CACNA2D1: variants seen among roughly 807,000 people sequenced by gnomAD.
The protein encoded by CACNA2D1 is voltage-dependent calcium channel subunit alpha-2/delta-1.
In CACNA2D1, 53 loss-of-function variants were observed where a neutral mutation model predicts 171.5. The ratio of observed to expected loss-of-function variants is 0.31; its 90% CI spans 0.25 to 0.39. CACNA2D1 has a LOEUF of 0.39. Among genes scored for constraint, CACNA2D1 ranks in the 10% least tolerant of loss-of-function variants. The probability of loss-of-function intolerance (pLI) is 1.00; values close to 1 mark genes in which losing one functional copy is unlikely to be tolerated. For missense variants in CACNA2D1, 903 were observed against 1,299.8 expected (o/e 0.69, Z 4.69); for synonymous variants, 442 against 443.1 (o/e 1.00, Z 0.03).
intron 2 of CACNA2D1, among the ~76,000 whole-genome samples, chr7:82,344,525 A>C (rs1391817617): frequency 2.6e-5 from 4 of 152,192 alleles, no homozygotes; most frequent in Non-Finnish European, 4.4e-5. Flanking sequence ...CTAAAATTAG[A>C]AATCCCCTGA....
intron 6 of CACNA2D1, among the ~76,000 whole-genome samples, chr7:82,096,639 G>C (rs78569779): frequency 7.9e-6 from 1 of 126,034 alleles, no homozygotes; most frequent in African/African-American, 2.9e-5. Flanking sequence ...ATGATGGTAT[G>C]ATCTAGTATG....
chr7:82,035,619 C>A (rs971296620), intron 11 of CACNA2D1, among the ~76,000 whole-genome samples: 1 of 151,978 alleles, frequency 6.6e-6, no homozygotes, highest in Non-Finnish European at 1.5e-5. Context: ...TTAATGTGGC[C>A]TCTCTAGTGA....
rs544485444 is a variant in CACNA2D1, at chr7:82,098,053, G to A, written c.527-13153C>T. Among the ~76,000 whole-genome samples the A allele has an allele frequency of 4.6e-5, 7 of 152,166 alleles. No homozygotes were observed. In the South Asian group the frequency reaches 1.5e-3, roughly 32 times the overall value. ...GACTTGAACCCACGAGGCAGTGGTT[G>A]CAGTGAGCCGAGGTTGCAATGAGCC... On this transcript the variant is annotated intron_variant, in intron 6 of 38. Transcript: ENST00000356860.
At chr7:82,114,530 G>A (rs1196546993) in intron 6 of CACNA2D1, among the ~76,000 whole-genome samples, 1 of 152,086 alleles carries the variant, frequency 6.6e-6, no homozygotes. Flanking sequence ...GGATCACGAG[G>A]TCAGGAGTTT....
chr7:82,136,736 G>A, intron 4 of CACNA2D1, 60 bp from the exon 5 acceptor site: 1 of 1,118,430 alleles, frequency 8.9e-7, no homozygotes, highest in Non-Finnish European at 1.3e-6. Flanking sequence ...ATCAAATACT[G>A]AATACATTTT....
At chr7:81,992,462 G>C (rs994247413) in intron 20 of CACNA2D1, among the ~76,000 whole-genome samples, 3 of 151,964 alleles carry the variant, frequency 2.0e-5, no homozygotes, top group African/African-American at 7.3e-5. Flanking sequence ...GCAGATGGAG[G>C]GGGGAACAGG....
intron 1 of CACNA2D1, among the ~76,000 whole-genome samples, chr7:82,442,410 C>A (rs1830573264): frequency 6.6e-6 from 1 of 152,228 alleles, no homozygotes; most frequent in Admixed American, 6.5e-5. Flanking sequence ...GCTCCAAGAA[C>A]CAAAATAAAT....
At chr7:82,071,789 C>T (rs891272619) in intron 7 of CACNA2D1, among the ~76,000 whole-genome samples, 1 of 152,108 alleles carries the variant, frequency 6.6e-6, no homozygotes, top group Non-Finnish European at 1.5e-5. Flanking sequence ...CATGATGTAG[C>T]CATGTGATCA....
chr7:81,977,677 T>C (rs896525385), intron 24 of CACNA2D1, among the ~76,000 whole-genome samples: 4 of 152,184 alleles, frequency 2.6e-5, no homozygotes, highest in East Asian at 1.9e-4. Flanking sequence ...GGCATAGGCA[T>C]GGGCAAAGCC....
At position 82,379,155 on chromosome 7, in the gene CACNA2D1, G is replaced by A. The variant is rs138749303; in HGVS notation, c.96-29506C>T. ...CTTTTCATGTGTGTGGCCTATAGTA[G>A]TTCTTTAATTCAGTTTCTCAAATGT... On this transcript the variant is annotated intron_variant, in intron 1 of 38. Transcript: ENST00000356860. Among the ~76,000 whole-genome samples the A allele has an allele frequency of 9.9e-5, 15 of 152,180 alleles. No individual in the cohort carries two copies. In the East Asian group the frequency reaches 2.1e-3, roughly 22 times the overall value.
intron 1 of CACNA2D1, among the ~76,000 whole-genome samples, chr7:82,402,571 C>T (rs1826543177): frequency 1.3e-5 from 2 of 151,252 alleles, no homozygotes; most frequent in South Asian, 2.1e-4. Flanking sequence ...ATTAGCCAGA[C>T]GTGATGGCGG....
At chr7:82,274,433 G>C (rs977802681) in intron 3 of CACNA2D1, among the ~76,000 whole-genome samples, 1 of 152,086 alleles carries the variant, frequency 6.6e-6, no homozygotes, top group African/African-American at 2.4e-5. Context: ...CTAGTTCCTA[G>C]AAATAGCAAA....
At chr7:82,255,778 T>C (rs1221086602) in intron 3 of CACNA2D1, among the ~76,000 whole-genome samples, 3 of 152,352 alleles carry the variant, frequency 2.0e-5, no homozygotes, top group East Asian at 1.9e-4. Context: ...CAATCTTCTA[T>C]GATGTCCCTT....
Position 81,997,209 on chromosome 7 carries a change from A to G in CACNA2D1, c.1632T>C (p.Asp544=). Reference sequence around the variant, plus strand: ...CTTTAATATCATTCTCTAACTCTGCATCAAGGAAATCCAATGTTACTGGCT... The same window carrying G: ...CTTTAATATCATTCTCTAACTCTGCGTCAAGGAAATCCAATGTTACTGGCT... The part of the protein sequence containing the change: ...SQEPVTLDFL[D]AELENDIKVE... Residue 544 remains aspartate, a synonymous_variant, in exon 19 of 39, where the codon GAT becomes GAC. Coordinates refer to ENST00000356860, the MANE Select transcript of CACNA2D1 (RefSeq NM_000722.4). The G allele has an allele frequency of 3.1e-6, 5 of 1,607,562 alleles. No homozygotes were observed. The highest frequency in any genetic ancestry group is 4.3e-6 in the Non-Finnish European group (5 of 1,174,314).
intron 3 of CACNA2D1, among the ~76,000 whole-genome samples, chr7:82,217,390 C>CACACATATATATATAT (rs1402573092): frequency 7.3e-5 from 4 of 54,452 alleles, no homozygotes; most frequent in African/African-American, 5.2e-4. Flanking sequence ...CACACACACA[C>CACACATATATATATAT]ATACATATAT....
intron 38 of CACNA2D1, among the ~76,000 whole-genome samples, chr7:81,950,978 G>T (rs1206221317): frequency 6.6e-6 from 1 of 151,926 alleles, no homozygotes; most frequent in African/African-American, 2.4e-5. Flanking sequence ...AATTTATAAG[G>T]CTCAACATAG....
intron 3 of CACNA2D1, among the ~76,000 whole-genome samples, chr7:82,292,638 T>G (rs1162647136): frequency 6.6e-6 from 1 of 152,186 alleles, no homozygotes; most frequent in African/African-American, 2.4e-5. Context: ...TACTGCCTTT[T>G]TGACTATTAT....
At chr7:82,052,204 T>C (rs539520284) in intron 10 of CACNA2D1, among the ~76,000 whole-genome samples, 3 of 152,236 alleles carry the variant, frequency 2.0e-5, no homozygotes, top group Admixed American at 1.3e-4. Flanking sequence ...ATGAGGTCTC[T>C]AAGGAAAAAT....
intron 9 of CACNA2D1, 55 bp from the exon 10 acceptor site, chr7:82,060,582 ACAT>A (rs1806751170): frequency 2.9e-6 from 3 of 1,019,532 alleles, no homozygotes; most frequent in Admixed American, 3.4e-5. Flanking sequence ...TTAATCAAGA[ACAT>A]CATAAGGAAA....
Sources: gnomAD v4.1 joint callset for allele counts (sites outside exome capture counted in the v4.1 genomes callset) on GRCh38, gnomAD v4.1.1 for gene constraint, MANE v1.5 for transcripts, NCBI Gene and HGNC (gene_info 2026-07-23, HGNC 2026-07-21) for gene names.